TENM2: variants seen among roughly 807,000 people sequenced by gnomAD.
TENM2 encodes teneurin-2.
TENM2 carries 52 observed loss-of-function variants against 245.2 expected under a neutral mutation model. That is an observed-to-expected ratio of 0.21 (90% CI 0.17 to 0.27). TENM2 has a LOEUF of 0.27. TENM2 is among the 10% of genes least tolerant of loss of function. TENM2 has a pLI of 1.00. For missense variants in TENM2, 3,046 were observed against 3,666.8 expected, an observed-to-expected ratio of 0.83 and a Z score of 4.37; for synonymous variants, 1,363 against 1,438.9, an observed-to-expected ratio of 0.95 and a Z score of 1.19.
chr5:167,464,122 G>T (rs969901866), intron 2 of TENM2, among the ~76,000 whole-genome samples: 1 of 152,170 alleles, frequency 6.6e-6, no homozygotes, highest in East Asian at 1.9e-4. Context: ...CATTGATTGT[G>T]TCAGATTTAA....
chr5:167,578,355 T>C lies in TENM2; in HGVS notation c.502+202882T>C, dbSNP rs1478805016. Among the ~76,000 whole-genome samples the C allele has an allele frequency of 2.0e-5, 3 of 152,208 alleles. No individual in the cohort carries two copies. The East Asian group carries it at 5.8e-4, about 29-fold the overall frequency. On this transcript the variant is annotated intron_variant, in intron 2 of 28. Coordinates refer to ENST00000518659, the Ensembl canonical transcript of TENM2. ...GAAGCCTGTGAATAATCTGTTGCAT[T>C]AGCCTAGACTTCAGCAGTAAGGTTG... is the stretch of plus-strand genomic sequence containing the variant.
At chr5:168,025,286 A>G (rs947725469) in intron 5 of TENM2, among the ~76,000 whole-genome samples, 10 of 152,276 alleles carry the variant, frequency 6.6e-5, no homozygotes, top group Admixed American at 1.3e-4. Context: ...TTTCATTTGC[A>G]TAGCATCCAT....
rs71591174 is a variant in TENM2, at chr5:167,337,123, C to CAAAA, written c.227-38048_227-38045dup. Among the ~76,000 whole-genome samples, 64 of 56,668 alleles carry CAAAA rather than the reference C, an allele frequency of 1.1e-3. 1 individual carries two copies. The highest frequency in any genetic ancestry group is 4.0e-3 in the African/African-American group (45 of 11,262). 37.2% of individuals were successfully genotyped at this position (56,668 alleles called of 152,430 possible). ...TGGGCGACAGAGGGAGACTCCGTCT[C>CAAAA]AAAAAAAAAAAAAAAAAAAAAAAAA... On this transcript the variant is annotated intron_variant, in intron 1 of 28. Transcript: ENST00000518659.
intron 2 of TENM2, among the ~76,000 whole-genome samples, chr5:167,841,740 G>T (rs1000202118): frequency 6.6e-6 from 1 of 152,100 alleles, no homozygotes; most frequent in Non-Finnish European, 1.5e-5. Flanking sequence ...AGCCTTCATA[G>T]ACCTTTTTTT....
At chr5:167,159,581 A>C in the TENM2 span, among the ~76,000 whole-genome samples, 1 of 152,210 alleles carries the variant, frequency 6.6e-6, no homozygotes, top group Non-Finnish European at 1.5e-5. Context: ...TCTATATGAT[A>C]AATACATACT....
chr5:168,254,996 G>A (rs774258583), intron 27 of TENM2, among the ~76,000 whole-genome samples: 2 of 151,510 alleles, frequency 1.3e-5, no homozygotes, highest in African/African-American at 2.4e-5. Context: ...GCAGTGAGAC[G>A]AGGTCACACC....
intron 2 of TENM2, among the ~76,000 whole-genome samples, chr5:167,506,908 AAATT>A (rs1769594545): frequency 6.6e-6 from 1 of 152,228 alleles, no homozygotes; most frequent in Admixed American, 6.5e-5. Context: ...AAATGTGTCT[AAATT>A]AAATAAATCA....
chr5:167,412,558 T>G (rs1419245194), intron 2 of TENM2, among the ~76,000 whole-genome samples: 1 of 152,174 alleles, frequency 6.6e-6, no homozygotes, highest in African/African-American at 2.4e-5. Context: ...GATTATCTAT[T>G]ACTCAATCTT....
chr5:168,004,854 A>G (rs1784703300), intron 5 of TENM2, among the ~76,000 whole-genome samples: 1 of 152,158 alleles, frequency 6.6e-6, no homozygotes, highest in African/African-American at 2.4e-5. Context: ...CATATACATA[A>G]TACAAAACAA....
At chr5:167,561,151 A>C (rs992937600) in intron 2 of TENM2, among the ~76,000 whole-genome samples, 2 of 152,186 alleles carry the variant, frequency 1.3e-5, no homozygotes, top group Non-Finnish European at 2.9e-5. Flanking sequence ...TTTTGTCAGA[A>C]TCCATCTACT....
intron 2 of TENM2, among the ~76,000 whole-genome samples, chr5:167,503,422 GAA>G (rs1014716138): frequency 1.6e-4 from 24 of 151,710 alleles, no homozygotes; most frequent in African/African-American, 5.8e-4. Flanking sequence ...GCAGAGAAAA[GAA>G]GAGAGGAAGA....
chr5:167,577,430 A>C (rs1774781828), intron 2 of TENM2, among the ~76,000 whole-genome samples: 2 of 152,146 alleles, frequency 1.3e-5, no homozygotes, highest in South Asian at 4.1e-4. Context: ...AATGCTCCAT[A>C]GGATGTTTTG....
chr5:167,426,904 G>T (rs1373307095), intron 2 of TENM2, among the ~76,000 whole-genome samples: 2 of 152,018 alleles, frequency 1.3e-5, no homozygotes, highest in African/African-American at 4.8e-5. Flanking sequence ...AAACCTCCAT[G>T]AGTCACATAA....
the TENM2 span, among the ~76,000 whole-genome samples, chr5:167,231,454 A>G: frequency 0.21 from 31,651 of 152,058 alleles, 3,856 homozygotes; most frequent in African/African-American, 0.34. Flanking sequence ...GGTAACTCTT[A>G]CTATGTTTTA....
the TENM2 span, among the ~76,000 whole-genome samples, chr5:167,218,483 C>G: frequency 6.6e-6 from 1 of 152,060 alleles, no homozygotes; most frequent in Non-Finnish European, 1.5e-5. Flanking sequence ...TTTTAACATG[C>G]TATCTTGTGA....
the TENM2 span, among the ~76,000 whole-genome samples, chr5:167,115,589 C>G: frequency 1.3e-5 from 2 of 152,148 alleles, no homozygotes; most frequent in African/African-American, 4.8e-5. Flanking sequence ...TCAAAAGCTA[C>G]GGTCAGTAGT....
the TENM2 span, among the ~76,000 whole-genome samples, chr5:167,034,782 G>A: frequency 6.6e-6 from 1 of 152,046 alleles, no homozygotes; most frequent in East Asian, 1.9e-4. Context: ...AAAGTCATGG[G>A]TGGGTTACCC....
At position 168,041,646 on chromosome 5, in the gene TENM2, T is replaced by A. The variant is rs556157692; in HGVS notation, c.1187-5781T>A. On this transcript the variant is annotated intron_variant, in intron 5 of 28. Coordinates refer to ENST00000518659, the Ensembl canonical transcript of TENM2. ...CTGAACCCTAAACCTGGCTTTTCAC[T>A]TATGTGTTTAGTTTCTACACCTGCC... 1.3e-3 allele frequency among the ~76,000 whole-genome samples: 197 copies of A among 152,306 alleles called. 1 individual carries two copies. Among genetic ancestry groups the A allele is most frequent in the Middle Eastern group, 6.8e-3 (2 of 294 alleles).
intron 7 of TENM2, among the ~76,000 whole-genome samples, chr5:168,086,374 T>C (rs1792458692): frequency 6.6e-6 from 1 of 152,248 alleles, no homozygotes; most frequent in Admixed American, 6.5e-5. Flanking sequence ...TCTCGAGCTC[T>C]CGTAAAAGTT....
Sources: gnomAD v4.1 joint callset for allele counts (sites outside exome capture counted in the v4.1 genomes callset) on GRCh38, gnomAD v4.1.1 for gene constraint, MANE v1.5 for transcripts, NCBI Gene and HGNC (gene_info 2026-07-23, HGNC 2026-07-21) for gene names.